The following AFF3 variants were observed in gnomAD, a reference collection of about 807,000 sequenced individuals.
The protein encoded by AFF3 is AF4/FMR2 family member 3.
In AFF3, 32 loss-of-function variants were observed where a neutral mutation model predicts 129.7. That is an observed-to-expected ratio of 0.25 (90% confidence interval 0.19 to 0.33). The LOEUF is 0.33. Ranked by LOEUF, AFF3 falls within the 10% of genes least tolerant of loss-of-function variation. The pLI, the probability that AFF3 is intolerant of heterozygous loss-of-function variation, is 1.00. For missense variants in AFF3, 1,373 were observed against 1,592.0 expected, an observed-to-expected ratio of 0.86 and a Z score of 2.34; for synonymous variants, 644 against 635.4, an observed-to-expected ratio of 1.01 and a Z score of -0.20.
intron 7 of AFF3, among the ~76,000 whole-genome samples, chr2:99,979,636 G>T (rs1048021264): frequency 6.6e-6 from 1 of 151,706 alleles, no homozygotes; most frequent in South Asian, 2.1e-4. Flanking sequence ...GCACCACCAC[G>T]ACCAGCTAAT....
At chr2:100,107,752 G>A (rs1691367760) in intron 2 of AFF3, among the ~76,000 whole-genome samples, 1 of 152,054 alleles carries the variant, frequency 6.6e-6, no homozygotes. Flanking sequence ...CTCAGTCTGG[G>A]GCCCTACTCA....
intron 13 of AFF3, among the ~76,000 whole-genome samples, chr2:99,642,130 C>T (rs1401335336): frequency 6.6e-6 from 1 of 152,186 alleles, no homozygotes; most frequent in Non-Finnish European, 1.5e-5. Context: ...GTACGAAGCA[C>T]AAAAATGAGG....
chr2:99,785,465 T>C (rs1290720426), intron 8 of AFF3, among the ~76,000 whole-genome samples: 7 of 152,202 alleles, frequency 4.6e-5, no homozygotes, highest in African/African-American at 1.7e-4. Flanking sequence ...GACAGGAAGA[T>C]TAGCTTAGAA....
At chr2:99,839,762 T>C (rs1012937478) in intron 7 of AFF3, among the ~76,000 whole-genome samples, 6 of 151,856 alleles carry the variant, frequency 4.0e-5, no homozygotes, top group African/African-American at 1.5e-4. Flanking sequence ...CAGGCATGTA[T>C]CACCATGCCC....
At chr2:99,715,466 A>G (rs1179172669) in intron 11 of AFF3, among the ~76,000 whole-genome samples, 1 of 150,908 alleles carries the variant, frequency 6.6e-6, no homozygotes, top group South Asian at 2.1e-4. Context: ...TCCAACTAAT[A>G]TATTAATTTT....
intron 2 of AFF3, among the ~76,000 whole-genome samples, chr2:100,128,226 T>C (rs1339835701): frequency 6.6e-6 from 1 of 152,184 alleles, no homozygotes; most frequent in Non-Finnish European, 1.5e-5. Flanking sequence ...CATTCGTTTA[T>C]TCCTTCACGT....
At chr2:100,073,657 C>A (rs1688372832) in intron 4 of AFF3, among the ~76,000 whole-genome samples, 3 of 152,160 alleles carry the variant, frequency 2.0e-5, no homozygotes, top group African/African-American at 7.2e-5. Flanking sequence ...AAGACACTAA[C>A]CTCTTTCTCA....
At chr2:100,117,389 C>A (rs1363293604) in intron 2 of AFF3, among the ~76,000 whole-genome samples, 1 of 152,102 alleles carries the variant, frequency 6.6e-6, no homozygotes, top group African/African-American at 2.4e-5. Context: ...CAACTAGTTT[C>A]TTCTTCAGCT....
In AFF3 at chr2:99,601,492, G is replaced by C. The variant is rs555444536; in HGVS notation, c.1314C>G (p.Thr438=). 1.6e-5 allele frequency: 25 copies of C among 1,609,214 alleles called. No homozygotes were observed. The highest frequency in any genetic ancestry group is 2.2e-5 in the South Asian group (2 of 89,924). The change falls in exon 14 of 25, where the codon ACC becomes ACG. Residue 438 remains threonine, a synonymous_variant. Coordinates refer to ENST00000672756, the MANE Select transcript of AFF3 (RefSeq NM_001386135.1). ...CCTCACTCTCGCTGGAGCTGCTCTC[G>C]GTCTCCGAGTCAGATCCGGAGCTGC... ...SESSSGSDSE[T]ESSSSESEGS...
rs529280984 is a variant in AFF3, at chr2:99,869,142, T to G, written c.874-31618A>C. ...AAGTTCCTAGTTCTGGACTTCCAGG[T>G]GGCACCTGCCACACCTACTGCACCC... On this transcript the variant is annotated intron_variant, in intron 7 of 24. Coordinates refer to ENST00000672756, the MANE Select transcript of AFF3 (RefSeq NM_001386135.1). 6.6e-5 allele frequency among the ~76,000 whole-genome samples: 10 copies of G among 152,054 alleles called. No homozygotes were observed. In the East Asian group the frequency reaches 1.4e-3, roughly 21 times the overall value.
At chr2:99,694,601 T>C (rs1676005929) in intron 11 of AFF3, among the ~76,000 whole-genome samples, 1 of 142,012 alleles carries the variant, frequency 7.0e-6, no homozygotes, top group African/African-American at 2.7e-5. Context: ...TCTAGAACAA[T>C]GTTCTCTAAC....
intron 12 of AFF3, among the ~76,000 whole-genome samples, chr2:99,664,369 G>T (rs1388391912): frequency 6.6e-6 from 1 of 152,134 alleles, no homozygotes; most frequent in Non-Finnish European, 1.5e-5. Context: ...GCCAAAATTT[G>T]GTTATTCTTG....
chr2:99,648,917 A>ACTCTCTCTCTCTCTCTCTCTCTCTCT (rs769906171), intron 13 of AFF3, among the ~76,000 whole-genome samples: 163 of 46,842 alleles, frequency 3.5e-3, no homozygotes, highest in South Asian at 5.0e-3. Context: ...ACACACACAC[A>ACTCTCTCTCTCTCTCTCTCTCTCTCT]CTCTCTCTCT....
chr2:99,765,036 C>T (rs1379037114), intron 8 of AFF3, among the ~76,000 whole-genome samples: 1 of 152,094 alleles, frequency 6.6e-6, no homozygotes, highest in African/African-American at 2.4e-5. Flanking sequence ...CGTGTTAACT[C>T]GAGGTTTATA....
chr2:99,608,945 TAC>T (rs1680641859), intron 13 of AFF3, among the ~76,000 whole-genome samples: 1 of 152,188 alleles, frequency 6.6e-6, no homozygotes, highest in Non-Finnish European at 1.5e-5. Context: ...GTCCCATTAT[TAC>T]ATGTTTTGAG....
At chr2:99,913,758 G>T (rs1342338653) in intron 7 of AFF3, among the ~76,000 whole-genome samples, 1 of 151,892 alleles carries the variant, frequency 6.6e-6, no homozygotes, top group African/African-American at 2.4e-5. Flanking sequence ...GAATGATGGG[G>T]ATATGTCAAA....
chr2:99,610,605 T>A (rs1680826306), intron 13 of AFF3, among the ~76,000 whole-genome samples: 1 of 152,222 alleles, frequency 6.6e-6, no homozygotes, highest in Admixed American at 6.5e-5. Flanking sequence ...ACATTCTGGC[T>A]GCTTCCAGTT....
intron 8 of AFF3, among the ~76,000 whole-genome samples, chr2:99,753,112 A>T (rs906917797): frequency 1.7e-4 from 26 of 152,062 alleles, no homozygotes; most frequent in South Asian, 4.2e-4. Flanking sequence ...TATTATTATT[A>T]TTTTTTGAGA....
intron 13 of AFF3, among the ~76,000 whole-genome samples, chr2:99,638,822 G>A (rs879416253): frequency 3.8e-4 from 58 of 152,126 alleles, no homozygotes; most frequent in African/African-American, 1.4e-3. Flanking sequence ...ATTGGCCAAG[G>A]GTGTCCAGTT....
Sources: allele counts gnomAD v4.1 joint callset (sites outside exome capture counted in the v4.1 genomes callset), GRCh38; gene constraint gnomAD v4.1.1; transcripts MANE v1.5; gene names NCBI Gene and HGNC (gene_info 2026-07-23, HGNC 2026-07-21).